Variants in PTBP3 observed in about 807,000 individuals in gnomAD.
PTBP3 encodes the protein polypyrimidine tract binding protein 3.
A neutral mutation model predicts 58.7 loss-of-function variants in PTBP3; 20 were observed. That is an observed-to-expected ratio of 0.34 (90% CI 0.24 to 0.50). The LOEUF is 0.50. PTBP3 is among the 20% of genes least tolerant of loss of function. The pLI is 0.98. For synonymous variants in PTBP3, 185 were observed against 219.8 expected, an observed-to-expected ratio of 0.84 and a Z score of 1.40; for missense variants, 509 against 637.2, an observed-to-expected ratio of 0.80 and a Z score of 2.17.
the PTBP3 span, among the ~76,000 whole-genome samples, chr9:112,342,053 C>T: frequency 6.6e-6 from 1 of 152,060 alleles, no homozygotes; most frequent in Admixed American, 6.6e-5. Context: ...AGGCATCATC[C>T]AATTGGCTGA....
intron 3 of PTBP3, among the ~76,000 whole-genome samples, chr9:112,275,139 A>ATT (rs11424595): frequency 0.011 from 1,638 of 148,574 alleles, 15 homozygotes; most frequent in Non-Finnish European, 0.015. Context: ...TATACTTTTT[A>ATT]TTTTTTTTTT....
the PTBP3 span, among the ~76,000 whole-genome samples, chr9:112,376,117 T>C: frequency 6.8e-6 from 1 of 146,092 alleles, no homozygotes; most frequent in Admixed American, 6.8e-5. Flanking sequence ...GGACCCTACT[T>C]CTGGTACCAA....
Position 112,220,967 on chromosome 9 carries a change from A to C in PTBP3, c.*2884T>G. The C allele has an allele frequency of 1.0e-6, 1 of 966,098 alleles. No individual in the cohort carries two copies. The highest frequency in any genetic ancestry group is 1.2e-6 in the Non-Finnish European group (1 of 812,410). 59.8% of individuals were successfully genotyped at this position (966,098 alleles called of 1,614,324 possible). ...TAAATGCATGCCAAAACAGAGATACACAGATCTAGTTTTTCCACCATCCTG... is the reference window on the plus strand; with the variant it reads ...TAAATGCATGCCAAAACAGAGATACCCAGATCTAGTTTTTCCACCATCCTG... On this transcript the variant is annotated 3_prime_UTR_variant, in exon 14 of 14. Transcript: ENST00000374257.
the PTBP3 span, among the ~76,000 whole-genome samples, chr9:112,339,864 C>A: frequency 1.3e-5 from 2 of 152,160 alleles, no homozygotes; most frequent in African/African-American, 4.8e-5. Context: ...CCATGCCCTG[C>A]CTGCCCAGCC....
intron 5 of PTBP3, among the ~76,000 whole-genome samples, chr9:112,259,377 T>A (rs1836499963): frequency 6.6e-6 from 1 of 152,238 alleles, no homozygotes; most frequent in African/African-American, 2.4e-5. Context: ...ATAAAAGCTT[T>A]GCATCACCAC....
intron 2 of PTBP3, among the ~76,000 whole-genome samples, chr9:112,288,938 T>C (rs1828256480): frequency 6.6e-6 from 1 of 152,236 alleles, no homozygotes; most frequent in Admixed American, 6.5e-5. Flanking sequence ...AACTAGTGTT[T>C]ATTATTAAAT....
chr9:112,329,754 GAAGT>G (rs1354141547), intron 1 of PTBP3, among the ~76,000 whole-genome samples: 2 of 151,740 alleles, frequency 1.3e-5, no homozygotes, highest in Non-Finnish European at 2.9e-5. Context: ...ACTGAAGAAA[GAAGT>G]GTCAGCTGCT....
the PTBP3 span, among the ~76,000 whole-genome samples, chr9:112,340,846 C>T: frequency 6.7e-6 from 1 of 149,802 alleles, no homozygotes; most frequent in Non-Finnish European, 1.5e-5. Context: ...ATTGCACTCC[C>T]GCTTGGGCAA....
At chr9:112,254,992 T>A (rs1411564112) in intron 5 of PTBP3, among the ~76,000 whole-genome samples, 1 of 152,070 alleles carries the variant, frequency 6.6e-6, no homozygotes, top group African/African-American at 2.4e-5. Context: ...AATAAATGGA[T>A]AAATAAAATA....
At chr9:112,365,366 G>C in the PTBP3 span, among the ~76,000 whole-genome samples, 3 of 152,096 alleles carry the variant, frequency 2.0e-5, no homozygotes, top group African/African-American at 7.2e-5. Context: ...TTCCCTTGCT[G>C]TTCTCATGAG....
chr9:112,246,404 T>G lies in PTBP3; in HGVS notation c.802+4525A>C, dbSNP rs550305438. Among the ~76,000 whole-genome samples the G allele has an allele frequency of 6.0e-5, 9 of 151,142 alleles. No homozygotes were observed. In the South Asian group the frequency reaches 1.9e-3, roughly 32 times the overall value. ...TAATTTTGGCAACAGATGTGAAAAA[T>G]AAAAGGTAGGACAGGCGCGGTGGCT... On this transcript the variant is annotated intron_variant, in intron 7 of 13. Coordinates refer to ENST00000374257, the MANE Select transcript of PTBP3 (RefSeq NM_001163788.4).
At chr9:112,320,286 A>AAAAAAAAATATATAT (rs1829866055) in intron 1 of PTBP3, among the ~76,000 whole-genome samples, 1 of 53,388 alleles carries the variant, frequency 1.9e-5, no homozygotes, top group Admixed American at 2.1e-4. Context: ...TCTTAAAAAA[A>AAAAAAAAATATATAT]AAAAAATATA....
upstream of PTBP3, among the ~76,000 whole-genome samples, chr9:112,334,457 G>A (rs10481637): frequency 0.48 from 73,352 of 151,942 alleles, 18,070 homozygotes; most frequent in African/African-American, 0.58. Flanking sequence ...CCTTCCCTCT[G>A]GTCTGAGCAA....
chr9:112,231,277 A>T (rs969414060), intron 10 of PTBP3, 103 bp downstream of exon 10: 1 of 896,044 alleles, frequency 1.1e-6, no homozygotes, highest in Non-Finnish European at 1.7e-6. Flanking sequence ...CAGTGTCAGC[A>T]CAATACTTGG....
At chr9:112,243,143 A>C (rs1161393377) in intron 7 of PTBP3, among the ~76,000 whole-genome samples, 3 of 151,924 alleles carry the variant, frequency 2.0e-5, no homozygotes, top group South Asian at 2.1e-4. Context: ...AAAAAAAAAA[A>C]AAAACAGTTT....
rs1244479475 is a variant in PTBP3, at chr9:112,222,183, A to G, written c.*1668T>C. Reference sequence around the variant, plus strand: ...TGTAAAAGGGGTAGACAAAAAAATGACCCTTTTGACAAATTCTGCTTTAAA... The same window carrying G: ...TGTAAAAGGGGTAGACAAAAAAATGGCCCTTTTGACAAATTCTGCTTTAAA... On this transcript the variant is annotated 3_prime_UTR_variant, in exon 14 of 14. Transcript: ENST00000374257. 4.1e-6 allele frequency: 4 copies of G among 985,126 alleles called. No individual in the cohort carries two copies. Among genetic ancestry groups the G allele is most frequent in the Non-Finnish European group, 4.8e-6 (4 of 829,344 alleles). 61.0% of individuals were successfully genotyped at this position (985,126 alleles called of 1,614,324 possible). A position where few individuals can be genotyped will look rare whatever the true frequency, so the allele number is the denominator to read the frequency against.
chr9:112,306,604 ATTTT>A (rs1554802909), intron 1 of PTBP3, among the ~76,000 whole-genome samples: 4 of 104,040 alleles, frequency 3.8e-5, no homozygotes, highest in Non-Finnish European at 6.9e-5. Context: ...ATATATATAT[ATTTT>A]TGTTTGTTTG....
chr9:112,373,976 C>G, the PTBP3 span, among the ~76,000 whole-genome samples: 1 of 152,048 alleles, frequency 6.6e-6, no homozygotes, highest in Admixed American at 6.6e-5. Context: ...CTCAGCAGGT[C>G]GTGGTTTTTT....
chr9:112,312,498 TTTA>T (rs1829528743), intron 1 of PTBP3, among the ~76,000 whole-genome samples: 3 of 146,112 alleles, frequency 2.1e-5, no homozygotes, highest in Admixed American at 1.4e-4. Context: ...GTTTTTTTTT[TTTA>T]AAAAAAAAAA....
Sources: gnomAD v4.1 joint callset for allele counts (sites outside exome capture counted in the v4.1 genomes callset) on GRCh38, gnomAD v4.1.1 for gene constraint, MANE v1.5 for transcripts, NCBI Gene and HGNC (gene_info 2026-07-23, HGNC 2026-07-21) for gene names.